The following GCSH variants were observed in gnomAD, a reference collection of about 807,000 sequenced individuals.
GCSH encodes the protein glycine cleavage system H protein, mitochondrial.
GCSH carries 15 observed loss-of-function variants against 21.3 expected under a neutral mutation model. The observed-to-expected ratio is 0.70, with a 90% CI of 0.47 to 1.08. The LOEUF (loss-of-function observed/expected upper bound fraction) is 1.08. Ranked by LOEUF, GCSH falls within the 50% of genes least tolerant of loss-of-function variation. GCSH has a pLI of 0.00. For missense variants in GCSH, 179 were observed against 217.5 expected (o/e 0.82, Z 1.11); for synonymous variants, 59 against 84.5 (o/e 0.70, Z 1.66).
intron 1 of GCSH, among the ~76,000 whole-genome samples, chr16:81,095,754 C>G (rs2151775541): frequency 6.6e-6 from 1 of 152,294 alleles, no homozygotes; most frequent in South Asian, 2.1e-4. Flanking sequence ...TTTGGGGTCT[C>G]AACGATGCAC....
At chr16:81,087,075 CTT>C (rs533808402) in intron 3 of GCSH, among the ~76,000 whole-genome samples, 38 of 151,880 alleles carry the variant, frequency 2.5e-4, no homozygotes, top group African/African-American at 8.9e-4. Flanking sequence ...TTTTTTCTCT[CTT>C]TTTTTTAAAA....
intron 1 of GCSH, among the ~76,000 whole-genome samples, chr16:81,091,793 T>G (rs1276979285): frequency 6.6e-6 from 1 of 152,102 alleles, no homozygotes; most frequent in Non-Finnish European, 1.5e-5. Context: ...TATTTTTATT[T>G]TTTATTTTTG....
chr16:81,083,122 A>AAAT (rs1486140006), intron 4 of GCSH, 159 bp from the exon 5 acceptor site: 27 of 673,190 alleles, frequency 4.0e-5, no homozygotes, highest in Non-Finnish European at 7.4e-5. Flanking sequence ...TTAAGAATTA[A>AAAT]AATACTTGTA....
chr16:81,086,218 C>A lies in GCSH; in HGVS notation c.292+1383G>T, dbSNP rs974780342. Among the ~76,000 whole-genome samples, 184 of 145,524 alleles carry A rather than the reference C, an allele frequency of 1.3e-3. 1 individual carries two copies. Among genetic ancestry groups the A allele is most frequent in the African/African-American group, 4.5e-3 (172 of 38,096 alleles). ...AAAAAAAAAAAAAAAAAAAAAAAAA[C>A]AAAAAAAACACAATTATGAACTCTG... On this transcript the variant is annotated intron_variant, in intron 3 of 4. Coordinates refer to ENST00000315467, the MANE Select transcript of GCSH (RefSeq NM_004483.5).
rs1169730149 is a variant in GCSH, at chr16:81,096,263, C to T, written c.16G>A (p.Val6Met). The change falls in exon 1 of 5, where the codon GTG (valine) becomes ATG (methionine). Residue 6 changes from valine to methionine, a missense_variant. Coordinates refer to ENST00000315467, the MANE Select transcript of GCSH (RefSeq NM_004483.5). ...CAGAGCAGGGCCCGCACGCTCCGCA[C>T]CACTCGCAGCGCCATGTTCGCAGGG... MALRV[V>M]RSVRALLCTL... 1.1e-5 allele frequency: 15 copies of T among 1,364,518 alleles called. No individual in the cohort carries two copies. The highest frequency in any genetic ancestry group is 1.2e-5 in the Non-Finnish European group (13 of 1,064,830). The allele number at this position is 1,364,518 out of a possible 1,614,324, so 84.5% of individuals were successfully genotyped here. A position where few individuals can be genotyped will look rare whatever the true frequency, so the allele number is the denominator to read the frequency against.
intron 1 of GCSH, chr16:81,091,247 G>C (rs1017873117): frequency 8.3e-6 from 3 of 362,516 alleles, no homozygotes; most frequent in African/African-American, 6.5e-5. Context: ...ATTTGACTAA[G>C]TTCTTAAAAT....
At position 81,084,576 on chromosome 16, in the gene GCSH, T is replaced by C; in HGVS notation, c.311A>G (p.Glu104Gly). ...GAGTTCACTAGCAGCTTTCACACTTTCCAAAGCACCAAACTCATCTAAGTG... is the reference window on the plus strand; with the variant it reads ...GAGTTCACTAGCAGCTTTCACACTTCCCAAAGCACCAAACTCATCTAAGTG... Reference protein sequence around the residue: ...LNKQDEFGALESVKAASELYS... With the variant: ...LNKQDEFGALGSVKAASELYS... The change falls in exon 4 of 5, where the codon GAA becomes GGA. Residue 104 changes from glutamate to glycine, a missense_variant. Transcript: ENST00000315467. 1 of 1,607,382 alleles carries C rather than the reference T, an allele frequency of 6.2e-7. No individual in the cohort carries two copies. Among genetic ancestry groups the C allele is most frequent in the Non-Finnish European group, 8.5e-7 (1 of 1,174,314 alleles).
chr16:81,090,927 T>A, intron 1 of GCSH: 1 of 573,578 alleles, frequency 1.7e-6, no homozygotes, highest in South Asian at 1.9e-5. Context: ...GATTGGATTA[T>A]CTGCTTTAAC....
chr16:81,083,047 G>A (rs538629243), intron 4 of GCSH, 84 bp from the exon 5 acceptor site: 11 of 853,494 alleles, frequency 1.3e-5, no homozygotes, highest in Admixed American at 3.4e-5. Flanking sequence ...ATTTCTGAGC[G>A]CCTCAATCTT....
At chr16:81,087,733 A>G in intron 2 of GCSH, 69 bp from the exon 3 acceptor site, 1 of 1,013,756 alleles carries the variant, frequency 9.9e-7, no homozygotes, top group Non-Finnish European at 1.6e-6. Flanking sequence ...AAACAGAATA[A>G]GCCAAACACT....
chr16:81,083,092 T>C (rs1972202254), intron 4 of GCSH, 129 bp from the exon 5 acceptor site: 4 of 729,652 alleles, frequency 5.5e-6, no homozygotes, highest in Non-Finnish European at 1.0e-5. Flanking sequence ...TATTTGTTCA[T>C]AGAACTTTAA....
chr16:81,096,327 C>G lies in GCSH; in HGVS notation c.-49G>C. ...AGCGCTACGCCTCGGCCACCCGCGC[C>G]GGGAGGCGGGGCGGGGAGGGGCAGT... is the stretch of plus-strand genomic sequence containing the variant. On this transcript the variant is annotated 5_prime_UTR_variant, in exon 1 of 5. Transcript: ENST00000315467. 3.7e-6 allele frequency: 5 copies of G among 1,334,394 alleles called. No homozygotes were observed. The highest frequency in any genetic ancestry group is 3.8e-6 in the Non-Finnish European group (4 of 1,045,076). The allele number at this position is 1,334,394 out of a possible 1,614,324, so 82.7% of individuals were successfully genotyped here. A position where few individuals can be genotyped will look rare whatever the true frequency, so the allele number is the denominator to read the frequency against.
chr16:81,087,959 C>G (rs1231850161), intron 2 of GCSH, among the ~76,000 whole-genome samples: 1 of 152,066 alleles, frequency 6.6e-6, no homozygotes, highest in African/African-American at 2.4e-5. Flanking sequence ...AACCCAGTCT[C>G]TAATAAAAAT....
intron 1 of GCSH, among the ~76,000 whole-genome samples, chr16:81,093,381 T>C (rs753997491): frequency 1.3e-5 from 2 of 152,114 alleles, no homozygotes; most frequent in Non-Finnish European, 2.9e-5. Context: ...AAGATAATTT[T>C]AGGAGTAAGG....
intron 1 of GCSH, among the ~76,000 whole-genome samples, chr16:81,094,265 A>G (rs1025634769): frequency 6.6e-6 from 1 of 152,200 alleles, no homozygotes; most frequent in Admixed American, 6.6e-5. Flanking sequence ...AGGAGTTGTG[A>G]GCAATTTATG....
At chr16:81,083,195 G>C (rs1972205567) in intron 4 of GCSH, 1 of 530,414 alleles carries the variant, frequency 1.9e-6, no homozygotes, top group African/African-American at 1.9e-5. Context: ...AGAACTCTTA[G>C]GTTGTAATAA....
intron 2 of GCSH, among the ~76,000 whole-genome samples, chr16:81,088,105 G>C (rs111701821): frequency 6.6e-6 from 1 of 151,996 alleles, no homozygotes; most frequent in Non-Finnish European, 1.5e-5. Flanking sequence ...CAGCCTTGGC[G>C]ACAGAGCAAG....
In GCSH at chr16:81,084,681, A is replaced by G. The variant is rs1294377384; in HGVS notation, c.293-87T>C. 3.1e-6 allele frequency: 3 copies of G among 958,498 alleles called. No homozygotes were observed. In the African/African-American group the frequency reaches 5.0e-5, roughly 16 times the overall value. The allele number at this position is 958,498 out of a possible 1,614,324, so 59.4% of individuals were successfully genotyped here. Reference sequence around the variant, plus strand: ...AAATACGAAAAAGTAGATTCCTGTCATACAGCTATGATTTTAAAATTCCAA... The same window carrying G: ...AAATACGAAAAAGTAGATTCCTGTCGTACAGCTATGATTTTAAAATTCCAA... On this transcript the variant is annotated intron_variant, in intron 3 of 4. Transcript: ENST00000315467.
Position 81,096,085 on chromosome 16 carries a change from G to C in GCSH, c.148+46C>G, listed in dbSNP as rs978487056. 4 of 1,229,826 alleles carry C rather than the reference G, an allele frequency of 3.3e-6. No homozygotes were observed. In the African/African-American group the frequency reaches 6.2e-5, roughly 19 times the overall value. 76.2% of individuals were successfully genotyped at this position (1,229,826 alleles called of 1,614,324 possible). A position where few individuals can be genotyped will look rare whatever the true frequency, so the allele number is the denominator to read the frequency against. ...TGTCCCGCTGGGCCCGGGACAAGCA[G>C]CCCAGGCGGGGAGGGAGCAGCCGCC... On this transcript the variant is annotated intron_variant, in intron 1 of 4. Transcript: ENST00000315467.
Sources: gnomAD v4.1 joint callset for allele counts (sites outside exome capture counted in the v4.1 genomes callset) on GRCh38, gnomAD v4.1.1 for gene constraint, MANE v1.5 for transcripts, NCBI Gene and HGNC (gene_info 2026-07-23, HGNC 2026-07-21) for gene names.